Variants in CCDC14 observed in about 807,000 individuals in gnomAD.
CCDC14 encodes the protein coiled-coil domain containing 14, also known as coiled-coil domain-containing protein 14.
CCDC14 carries 71 observed loss-of-function variants against 81.4 expected under a neutral mutation model. The observed-to-expected ratio is 0.87, with a 90% CI of 0.72 to 1.06. The LOEUF is 1.06. Ranked by LOEUF, CCDC14 falls within the 50% of genes least tolerant of loss-of-function variation. The pLI is 0.00. For missense variants in CCDC14, 1,046 were observed against 1,047.3 expected, an observed-to-expected ratio of 1.00 and a Z score of 0.02; for synonymous variants, 332 against 364.8, an observed-to-expected ratio of 0.91 and a Z score of 1.03.
At chr3:123,959,672 G>A (rs1559813051) in intron 1 of CCDC14, among the ~76,000 whole-genome samples, 1 of 152,060 alleles carries the variant, frequency 6.6e-6, no homozygotes, top group Non-Finnish European at 1.5e-5. Flanking sequence ...GCTCAGCCCT[G>A]GAGTTGGTCA....
At chr3:123,912,267 A>G (rs1319255825), downstream of CCDC14, among the ~76,000 whole-genome samples, 1 of 152,154 alleles carries the variant, frequency 6.6e-6, no homozygotes, top group Admixed American at 6.5e-5. Context: ...GACATCTGAA[A>G]GGGCTGAGAG....
rs1377273780 is a variant in CCDC14 at position 123,949,743 on chromosome 3, T to C, written c.353-611A>G. ...TCCAATAACATTGTTCATGAACCAT[T>C]CCTACCAATCCAATTCTACCCACTC... On this transcript the variant is annotated intron_variant, in intron 5 of 12. Transcript: ENST00000409697. Among the ~76,000 whole-genome samples, 3 of 152,278 alleles carry C rather than the reference T, an allele frequency of 2.0e-5. No individual in the cohort carries two copies. The East Asian group carries it at 5.8e-4, about 29-fold the overall frequency.
In CCDC14 at chr3:123,915,242, T is replaced by C; in HGVS notation, c.2255A>G (p.Gln752Arg). Residue 752 changes from glutamine (Q) to arginine (R), a missense_variant, in exon 13 of 13, where the codon CAG becomes CGG. By Grantham distance (43) the Gln-to-Arg change is conservative (BLOSUM62 1). Transcript: ENST00000409697. Reference sequence around the variant, plus strand: ...TGTTGTAGCTGCTCTTATTTGTGGCTGAGGGGATAGTCTCTTAGAAAGTGG... The same window carrying C: ...TGTTGTAGCTGCTCTTATTTGTGGCCGAGGGGATAGTCTCTTAGAAAGTGG... ...KSPLSKRLSP[Q>R]PQIRAATTQL... The C allele has an allele frequency of 6.2e-7, 1 of 1,613,972 alleles. No individual in the cohort carries two copies. The highest frequency in any genetic ancestry group is 8.5e-7 in the Non-Finnish European group (1 of 1,179,904).
the CCDC14 span, among the ~76,000 whole-genome samples, chr3:123,888,069 AAAAAAAT>A: frequency 6.6e-6 from 1 of 152,056 alleles, no homozygotes; most frequent in African/African-American, 2.4e-5. Context: ...TTAATTCCAA[AAAAAAAT>A]AAAAAATAAA....
downstream of CCDC14, among the ~76,000 whole-genome samples, chr3:123,913,260 T>C (rs2034487897): frequency 6.6e-6 from 1 of 152,204 alleles, no homozygotes; most frequent in African/African-American, 2.4e-5. Context: ...GATCAAATTA[T>C]TAGCCACTAA....
intron 10 of CCDC14, among the ~76,000 whole-genome samples, chr3:123,933,358 T>C (rs951875480): frequency 2.2e-4 from 34 of 152,214 alleles, no homozygotes; most frequent in African/African-American, 8.0e-4. Flanking sequence ...GAAAAGTATG[T>C]ACAGTGTGAT....
In CCDC14 at chr3:123,913,924, T is replaced by G; in HGVS notation, c.*855A>C. 1.0e-6 allele frequency: 1 copy of G among 985,102 alleles called. No individual in the cohort carries two copies. Among genetic ancestry groups the G allele is most frequent in the Non-Finnish European group, 1.2e-6 (1 of 829,380 alleles). The allele number at this position is 985,102 out of a possible 1,614,324, so 61.0% of individuals were successfully genotyped here. A position where few individuals can be genotyped will look rare whatever the true frequency, so the allele number is the denominator to read the frequency against. ...GCAGAGAGACCAACCTACTTCATAT[T>G]ATTTATAAAATAGAGAATATTCTCA... is the stretch of plus-strand genomic sequence containing the variant. On this transcript the variant is annotated 3_prime_UTR_variant, in exon 13 of 13. Transcript: ENST00000409697.
rs764818014 is a variant in CCDC14, at chr3:123,948,787, TGTAA to T, written c.590-6_590-3del. The stretch of plus-strand genomic sequence containing the variant: ...TAGAATGAGGAGTTGCCTGAGATTC[TGTAA>T]GTAAGAGGGAGAAAAAATTAATCAC... On this transcript the variant is annotated splice_polypyrimidine_tract_variant and splice_region_variant and intron_variant, in intron 6 of 12. Coordinates refer to ENST00000409697, the MANE Select transcript of CCDC14 (RefSeq NM_001366335.1). The T allele has an allele frequency of 6.3e-6, 10 of 1,593,260 alleles. No individual in the cohort carries two copies. Among genetic ancestry groups the T allele is most frequent in the Non-Finnish European group, 7.7e-6 (9 of 1,173,506 alleles).
At chr3:123,911,518 C>G (rs534229534), downstream of CCDC14, among the ~76,000 whole-genome samples, 35 of 152,136 alleles carry the variant, frequency 2.3e-4, no homozygotes, top group African/African-American at 8.0e-4. Flanking sequence ...TGAGAAGGGG[C>G]CTGTTATCCT....
At chr3:123,920,785 G>C (rs961836902) in intron 12 of CCDC14, among the ~76,000 whole-genome samples, 9 of 152,100 alleles carry the variant, frequency 5.9e-5, no homozygotes, top group Non-Finnish European at 1.3e-4. Context: ...ATCATATTCT[G>C]AATACTCTAG....
chr3:123,899,847 G>A (rs2034144378), intron 5 of CCDC14, among the ~76,000 whole-genome samples: 1 of 152,150 alleles, frequency 6.6e-6, no homozygotes, highest in African/African-American at 2.4e-5. Flanking sequence ...GTCAACTCCA[G>A]CCATGGGAGC....
At chr3:123,921,892 A>G (rs755441043) in intron 12 of CCDC14, among the ~76,000 whole-genome samples, 2 of 152,266 alleles carry the variant, frequency 1.3e-5, no homozygotes, top group Non-Finnish European at 2.9e-5. Context: ...TCTCATAGAC[A>G]TAATATAGAA....
chr3:123,923,542 T>C (rs976563729), intron 12 of CCDC14, among the ~76,000 whole-genome samples: 2 of 151,952 alleles, frequency 1.3e-5, no homozygotes, highest in Non-Finnish European at 2.9e-5. Context: ...CAAAAAACTG[T>C]TTTGCTTATA....
chr3:123,910,727 T>A (rs2034426715), downstream of CCDC14, among the ~76,000 whole-genome samples: 1 of 152,128 alleles, frequency 6.6e-6, no homozygotes, highest in Admixed American at 6.6e-5. Context: ...TGCTAGGAAC[T>A]TAGATGTGTG....
chr3:123,948,735 C>T lies in CCDC14; in HGVS notation c.640G>A (p.Val214Ile), dbSNP rs2036815668. The change falls in exon 7 of 13, where the codon GTC (valine) becomes ATC (isoleucine). Residue 214 changes from valine (V) to isoleucine (I), a missense_variant. Coordinates refer to ENST00000409697, the MANE Select transcript of CCDC14 (RefSeq NM_001366335.1). ...SSYGLCTSTP[V>I]WSLQRPPCPP... ...CAGGGTGGCCGCTGAAGTGACCAGA[C>T]TGGGGTGGAGGTACATAAGCCATAA... The T allele has an allele frequency of 1.9e-6, 3 of 1,603,202 alleles. No homozygotes were observed. Among genetic ancestry groups the T allele is most frequent in the African/African-American group, 1.3e-5 (1 of 74,084 alleles).
At chr3:123,921,791 T>C (rs2035063031) in intron 12 of CCDC14, among the ~76,000 whole-genome samples, 3 of 152,226 alleles carry the variant, frequency 2.0e-5, no homozygotes, top group South Asian at 2.1e-4. Context: ...AGAAAGTTTA[T>C]GAATTTGTGT....
chr3:123,947,776 T>C (rs1474097245), intron 7 of CCDC14, among the ~76,000 whole-genome samples: 1 of 151,974 alleles, frequency 6.6e-6, no homozygotes, highest in Non-Finnish European at 1.5e-5. Context: ...CCAACTTACT[T>C]TTAAGCTAAA....
At chr3:123,960,332 G>A (rs2037609121) in intron 1 of CCDC14, among the ~76,000 whole-genome samples, 1 of 152,106 alleles carries the variant, frequency 6.6e-6, no homozygotes, top group African/African-American at 2.4e-5. Flanking sequence ...TTGTGAGGTG[G>A]GAACCTAAAT....
chr3:123,952,895 C>CCACA, intron 5 of CCDC14: 1 of 208,846 alleles, frequency 4.8e-6, no homozygotes, highest in Admixed American at 4.8e-5. Flanking sequence ...CAGCTGCCAA[C>CCACA]CACACACACA....
Sources: gnomAD v4.1 joint callset for allele counts (sites outside exome capture counted in the v4.1 genomes callset) on GRCh38, gnomAD v4.1.1 for gene constraint, MANE v1.5 for transcripts, NCBI Gene and HGNC (gene_info 2026-07-23, HGNC 2026-07-21) for gene names.